Variants in CMSS1 observed in about 807,000 individuals in gnomAD.
The protein encoded by CMSS1 is protein CMSS1.
In CMSS1, 33 loss-of-function variants were observed where a neutral mutation model predicts 43.5. The observed-to-expected ratio is 0.76, with a 90% CI of 0.57 to 1.01. The LOEUF (loss-of-function observed/expected upper bound fraction) is 1.01. Ranked by LOEUF, CMSS1 falls within the 50% of genes least tolerant of loss-of-function variation. CMSS1 has a pLI of 0.00. For missense variants in CMSS1, 313 were observed against 326.4 expected (o/e 0.96, Z 0.32); for synonymous variants, 115 against 117.2 (o/e 0.98, Z 0.12).
intron 1 of CMSS1, among the ~76,000 whole-genome samples, chr3:100,120,281 A>G (rs1012737298): frequency 3.3e-5 from 5 of 152,188 alleles, no homozygotes; most frequent in African/African-American, 1.2e-4. Context: ...CCTTGTTGAC[A>G]TATGTCACTG....
At chr3:99,820,791 A>G (rs1457581479) in intron 1 of CMSS1, among the ~76,000 whole-genome samples, 1 of 152,212 alleles carries the variant, frequency 6.6e-6, no homozygotes, top group Admixed American at 6.5e-5. Context: ...AGGGATGTCA[A>G]ATGTATTCAA....
chr3:100,079,785 A>G (rs933369941), intron 1 of CMSS1, among the ~76,000 whole-genome samples: 4 of 152,122 alleles, frequency 2.6e-5, no homozygotes, highest in African/African-American at 7.2e-5. Flanking sequence ...CCGTTTTACA[A>G]TTTCTATGCC....
At position 100,176,373 on chromosome 3, in the gene CMSS1, CTG is replaced by C. The variant is rs753669456; in HGVS notation, c.715_716del (p.Trp239GlufsTer91). The C allele has an allele frequency of 6.8e-6, 11 of 1,613,568 alleles. No individual in the cohort carries two copies. The highest frequency in any genetic ancestry group is 8.5e-6 in the Non-Finnish European group (10 of 1,179,654). On this transcript the variant is annotated frameshift_variant, in exon 9 of 10. Coordinates refer to ENST00000421999, the MANE Select transcript of CMSS1 (RefSeq NM_032359.4). LOFTEE classifies it high-confidence loss of function. ...PLKFLVFDWNWRDQKLRRMMD... is the reference protein window; with the variant it reads ...PLKFLVFDWNXRDQKLRRMMD... ...TAAAATTTCTGGTTTTTGACTGGAA[CTG>C]GAGAGATCAGAAGTTGAGGAGAATG...
At chr3:100,106,591 G>T (rs1344820162) in intron 1 of CMSS1, among the ~76,000 whole-genome samples, 1 of 152,146 alleles carries the variant, frequency 6.6e-6, no homozygotes, top group Non-Finnish European at 1.5e-5. Flanking sequence ...CTGCCTTCAT[G>T]TGTGGGTATC....
At chr3:100,130,087 C>T (rs1048077061) in intron 1 of CMSS1, among the ~76,000 whole-genome samples, 3 of 152,162 alleles carry the variant, frequency 2.0e-5, no homozygotes, top group African/African-American at 7.2e-5. Context: ...AATAAATTTT[C>T]TCCATATGCT....
At chr3:99,994,525 A>G (rs978270299) in intron 1 of CMSS1, among the ~76,000 whole-genome samples, 2 of 152,210 alleles carry the variant, frequency 1.3e-5, no homozygotes, top group Admixed American at 6.5e-5. Flanking sequence ...TCAAAATCAT[A>G]TCAAATATCT....
At chr3:99,895,603 T>C (rs550872867) in intron 1 of CMSS1, among the ~76,000 whole-genome samples, 2 of 152,310 alleles carry the variant, frequency 1.3e-5, no homozygotes, top group South Asian at 4.1e-4. Flanking sequence ...TTTTAACCTA[T>C]AGATTGGTTT....
intron 1 of CMSS1, among the ~76,000 whole-genome samples, chr3:99,884,769 A>G (rs958926625): frequency 1.3e-5 from 2 of 152,250 alleles, no homozygotes; most frequent in Non-Finnish European, 2.9e-5. Context: ...TTTTTGTACA[A>G]TTTAACCATT....
At chr3:100,135,394 T>C (rs1160364468) in intron 1 of CMSS1, among the ~76,000 whole-genome samples, 2 of 151,534 alleles carry the variant, frequency 1.3e-5, no homozygotes, top group African/African-American at 2.4e-5. Context: ...CCTAAACCCC[T>C]GATGTGGACT....
At chr3:99,824,699 C>G (rs959593121) in intron 1 of CMSS1, among the ~76,000 whole-genome samples, 1 of 152,346 alleles carries the variant, frequency 6.6e-6, no homozygotes, top group South Asian at 2.1e-4. Context: ...TTCAAAATTA[C>G]ATTAGTAGTC....
rs890083239 is a variant in CMSS1, at chr3:99,903,412, C to T, written c.64+85369C>T. 2.6e-5 allele frequency among the ~76,000 whole-genome samples: 4 copies of T among 152,124 alleles called. No individual in the cohort carries two copies. In the South Asian group the frequency reaches 6.2e-4, roughly 24 times the overall value. On this transcript the variant is annotated intron_variant, in intron 1 of 9. Coordinates refer to ENST00000421999, the MANE Select transcript of CMSS1 (RefSeq NM_032359.4). The stretch of plus-strand genomic sequence containing the variant: ...GATTACAGGCGCCTGCCACCACACC[C>T]AGCTAATTTTTGTATTTTTAGTAGA...
At chr3:100,010,650 T>C (rs1396496532) in intron 1 of CMSS1, among the ~76,000 whole-genome samples, 1 of 151,478 alleles carries the variant, frequency 6.6e-6, no homozygotes, top group Non-Finnish European at 1.5e-5. Flanking sequence ...AGTGTCCCTC[T>C]GTCACCCAGG....
At chr3:100,042,350 G>A (rs1395547043) in intron 1 of CMSS1, among the ~76,000 whole-genome samples, 3 of 151,668 alleles carry the variant, frequency 2.0e-5, no homozygotes, top group Admixed American at 6.6e-5. Flanking sequence ...AAAAAACATT[G>A]GCTCTGTGAC....
chr3:100,054,497 G>A (rs931481398), intron 1 of CMSS1, among the ~76,000 whole-genome samples: 4 of 131,226 alleles, frequency 3.0e-5, no homozygotes, highest in African/African-American at 5.5e-5. Flanking sequence ...GTTTTGTTAT[G>A]TTATGTTATG....
rs181565676 is a variant in CMSS1 at position 100,101,577 on chromosome 3, G to A, written c.65-45396G>A. The stretch of plus-strand genomic sequence containing the variant: ...CTTCAAAGTAACACATGCACTCTCT[G>A]ATCCAGTCCAACACAGGAGGGGTTG... On this transcript the variant is annotated intron_variant, in intron 1 of 9. Transcript: ENST00000421999. Among the ~76,000 whole-genome samples the A allele has an allele frequency of 5.9e-5, 9 of 152,230 alleles. No homozygotes were observed. In the East Asian group the frequency reaches 1.7e-3, roughly 29 times the overall value.
At chr3:100,074,408 T>C (rs570998918) in intron 1 of CMSS1, among the ~76,000 whole-genome samples, 1 of 152,316 alleles carries the variant, frequency 6.6e-6, no homozygotes, top group South Asian at 2.1e-4. Context: ...CTTTGAAATC[T>C]GTTTTCCAGA....
At chr3:99,887,119 A>C (rs1227056377) in intron 1 of CMSS1, among the ~76,000 whole-genome samples, 1 of 151,858 alleles carries the variant, frequency 6.6e-6, no homozygotes, top group Non-Finnish European at 1.5e-5. Flanking sequence ...TAAAAATACA[A>C]AATTAGCCGG....
intron 1 of CMSS1, among the ~76,000 whole-genome samples, chr3:99,981,728 T>G (rs899383825): frequency 1.1e-4 from 16 of 152,210 alleles, no homozygotes; most frequent in African/African-American, 3.9e-4. Flanking sequence ...GTCTGCCTGA[T>G]TCCAAATTGC....
intron 1 of CMSS1, among the ~76,000 whole-genome samples, chr3:100,049,845 A>AT (rs2065339912): frequency 6.6e-6 from 1 of 152,190 alleles, no homozygotes; most frequent in Non-Finnish European, 1.5e-5. Flanking sequence ...ATACTTGTTA[A>AT]TTGACTTTTT....
Sources: gnomAD v4.1 joint callset for allele counts (sites outside exome capture counted in the v4.1 genomes callset) on GRCh38, gnomAD v4.1.1 for gene constraint, MANE v1.5 for transcripts, NCBI Gene and HGNC (gene_info 2026-07-23, HGNC 2026-07-21) for gene names.